The following CIMIP2A variants were observed in gnomAD, a reference collection of about 807,000 sequenced individuals.
The protein encoded by CIMIP2A is ciliary microtubule inner protein 2A, also known as family with sequence similarity 166 member A.
the CIMIP2A span, among the ~76,000 whole-genome samples, chr9:137,248,822 C>T: frequency 1.2e-3 from 182 of 152,100 alleles, 1 homozygote; most frequent in Non-Finnish European, 1.8e-3. Context: ...GAGCTGAGAT[C>T]GCACCGCTGC....
chr9:137,247,738 T>C, the CIMIP2A span: 38 of 1,611,822 alleles, frequency 2.4e-5, no homozygotes, highest in Non-Finnish European at 3.1e-5. Context: ...CTGGCCTTGC[T>C]GGCTCCAGTC....
the CIMIP2A span, chr9:137,253,426 C>T: frequency 2.8e-6 from 4 of 1,444,436 alleles, no homozygotes; most frequent in East Asian, 2.5e-5. Context: ...GCTGGCCCAG[C>T]CTGGATCCCC....
At chr9:137,253,389 C>T in the CIMIP2A span, 1 of 1,507,258 alleles carries the variant, frequency 6.6e-7, no homozygotes. Context: ...TTCTGGCTGG[C>T]CAACCCTTCT....
the CIMIP2A span, chr9:137,251,353 T>C: frequency 6.2e-7 from 1 of 1,613,402 alleles, no homozygotes; most frequent in Non-Finnish European, 8.5e-7. Context: ...AGGCAAACAC[T>C]GGACCCATGG....
the CIMIP2A span, chr9:137,244,105 C>T: frequency 1.4e-6 from 2 of 1,453,888 alleles, no homozygotes; most frequent in South Asian, 2.3e-5. Context: ...GAAGGGTGAG[C>T]AGGTAGAGCC....
chr9:137,244,209 C>G, the CIMIP2A span: 71 of 1,613,810 alleles, frequency 4.4e-5, no homozygotes, highest in Non-Finnish European at 5.7e-5. Flanking sequence ...CAGGCCTTGG[C>G]TGCTGTAGAT....
the CIMIP2A span, chr9:137,247,774 T>C: frequency 6.6e-7 from 1 of 1,521,696 alleles, no homozygotes; most frequent in Admixed American, 1.7e-5. Flanking sequence ...CTCCCTTCCC[T>C]GAGGGGAGTC....
the CIMIP2A span, chr9:137,245,259 C>A: frequency 1.9e-6 from 3 of 1,576,386 alleles, no homozygotes; most frequent in Admixed American, 3.7e-5. Flanking sequence ...GCAGCTCCCA[C>A]CTGGGGCTGA....
the CIMIP2A span, chr9:137,243,803 G>A: frequency 3.0e-5 from 48 of 1,613,672 alleles, 1 homozygote; most frequent in South Asian, 5.2e-4. Flanking sequence ...GGGGAGCCAG[G>A]CTGCAGCTGA....
the CIMIP2A span, chr9:137,245,351 A>G: frequency 6.2e-7 from 1 of 1,606,452 alleles, no homozygotes; most frequent in Admixed American, 1.7e-5. Context: ...GCGCTCTTCC[A>G]GGCCTCTTCC....
the CIMIP2A span, among the ~76,000 whole-genome samples, chr9:137,249,777 CCTCT>C: frequency 1.3e-5 from 2 of 152,200 alleles, no homozygotes; most frequent in Non-Finnish European, 2.9e-5. Context: ...CCTCCCCGTG[CCTCT>C]CTCTACGCTT....
chr9:137,245,379 CAAGTCTCTG>C, the CIMIP2A span: 6 of 1,613,008 alleles, frequency 3.7e-6, no homozygotes, highest in Non-Finnish European at 5.1e-6. Flanking sequence ...CTGGGTGTCC[CAAGTCTCTG>C]GAGTCTCCCT....
chr9:137,243,896 C>T, the CIMIP2A span: 2 of 1,259,174 alleles, frequency 1.6e-6, no homozygotes, highest in African/African-American at 2.9e-5. Context: ...CCCTGGGTAT[C>T]TGCTTGGTGG....
the CIMIP2A span, chr9:137,245,125 C>T: frequency 6.2e-7 from 1 of 1,601,100 alleles, no homozygotes; most frequent in Non-Finnish European, 8.5e-7. Context: ...TTAGGGTGGT[C>T]CAGCTGCGGC....
At chr9:137,251,847 AC>A in the CIMIP2A span, 3 of 1,607,052 alleles carry the variant, frequency 1.9e-6, no homozygotes, top group South Asian at 1.1e-5. Context: ...ACAGACGGGC[AC>A]CCCCCAGGAG....
the CIMIP2A span, chr9:137,243,638 T>G: frequency 6.2e-7 from 1 of 1,613,926 alleles, no homozygotes; most frequent in African/African-American, 1.3e-5. Context: ...TGTCCCACTG[T>G]GTGCACTTGC....
At chr9:137,253,268 T>C in the CIMIP2A span, 2 of 1,595,082 alleles carry the variant, frequency 1.3e-6, no homozygotes, top group African/African-American at 1.3e-5. Context: ...ACAACCTGCT[T>C]GGCCCGGCCA....
chr9:137,246,559 C>G, the CIMIP2A span, among the ~76,000 whole-genome samples: 1 of 152,006 alleles, frequency 6.6e-6, no homozygotes, highest in Non-Finnish European at 1.5e-5. Context: ...GTCAGGAGAT[C>G]AAGACCATCC....
the CIMIP2A span, chr9:137,252,272 C>G: frequency 1.5e-6 from 2 of 1,369,340 alleles, no homozygotes; most frequent in Non-Finnish European, 2.0e-6. Flanking sequence ...AGGCTCAGCA[C>G]CTGTAAGGAG....
Sources: gnomAD v4.1 joint callset for allele counts (sites outside exome capture counted in the v4.1 genomes callset) on GRCh38, gnomAD v4.1.1 for gene constraint, MANE v1.5 for transcripts, NCBI Gene and HGNC (gene_info 2026-07-23, HGNC 2026-07-21) for gene names.